The following TSPAN9 variants were observed in gnomAD, a reference collection of about 807,000 sequenced individuals.
TSPAN9 encodes the protein tetraspanin-9.
TSPAN9 carries 16 observed loss-of-function variants against 31.0 expected under a neutral mutation model. The ratio of observed to expected loss-of-function variants is 0.52; its 90% confidence interval spans 0.35 to 0.78. TSPAN9 has a LOEUF of 0.78. TSPAN9 is among the 30% of genes least tolerant of loss of function. The pLI, the probability that TSPAN9 is intolerant of heterozygous loss-of-function variation, is 0.01. For missense variants in TSPAN9, 272 were observed against 312.5 expected, an observed-to-expected ratio of 0.87 and a Z score of 0.98; for synonymous variants, 145 against 121.6, an observed-to-expected ratio of 1.19 and a Z score of -1.27.
chr12:3,247,764 C>T (rs936486666), intron 3 of TSPAN9, among the ~76,000 whole-genome samples: 2 of 152,184 alleles, frequency 1.3e-5, no homozygotes, highest in African/African-American at 2.4e-5. Context: ...GATGCCAGTT[C>T]GCTGCACAGG....
At chr12:3,101,984 G>A (rs1185034111) in intron 2 of TSPAN9, among the ~76,000 whole-genome samples, 1 of 152,068 alleles carries the variant, frequency 6.6e-6, no homozygotes, top group Admixed American at 6.5e-5. Context: ...TCTTTTCCTC[G>A]GACTGGAAGC....
chr12:3,121,533 CTTTTTTTTTT>C lies in TSPAN9; in HGVS notation c.-18+37830_-18+37839del, dbSNP rs59376087. ...TGCCACCATATCTGGCTAATTAAAA[CTTTTTTTTTT>C]TTTTTTTTTTTTTTTGTAGAGACAA... On this transcript the variant is annotated intron_variant, in intron 2 of 8. Coordinates refer to ENST00000011898, the MANE Select transcript of TSPAN9 (RefSeq NM_006675.5). Among the ~76,000 whole-genome samples the C allele has an allele frequency of 1.1e-4, 10 of 92,928 alleles. 1 individual carries two copies. Among genetic ancestry groups the C allele is most frequent in the Admixed American group, 3.0e-4 (2 of 6,602 alleles). The allele number at this position is 92,928 out of a possible 152,430, so 61.0% of individuals were successfully genotyped here.
At chr12:3,282,132 A>C (rs1591724862) in intron 8 of TSPAN9, 2 of 621,398 alleles carry the variant, frequency 3.2e-6, no homozygotes, top group East Asian at 5.5e-5. Flanking sequence ...CATGCAAGAC[A>C]CACACGGTGT....
At chr12:3,196,014 C>T (rs555042599) in intron 2 of TSPAN9, among the ~76,000 whole-genome samples, 1 of 152,316 alleles carries the variant, frequency 6.6e-6, no homozygotes, top group East Asian at 1.9e-4. Context: ...TGGGTCGCTT[C>T]AGCTAGATCT....
intron 3 of TSPAN9, among the ~76,000 whole-genome samples, chr12:3,255,656 G>T (rs1162407162): frequency 6.6e-6 from 1 of 152,208 alleles, no homozygotes; most frequent in African/African-American, 2.4e-5. Context: ...TTTTTAGAAA[G>T]AACTGGGGTG....
chr12:3,112,628 T>C (rs1295290038), intron 2 of TSPAN9, among the ~76,000 whole-genome samples: 1 of 151,584 alleles, frequency 6.6e-6, no homozygotes, highest in African/African-American at 2.4e-5. Flanking sequence ...TTTTGTTTCA[T>C]TGATCTTTTA....
At chr12:3,178,291 CT>C (rs112883143) in intron 2 of TSPAN9, among the ~76,000 whole-genome samples, 1,885 of 143,888 alleles carry the variant, frequency 0.013, 26 homozygotes, top group African/African-American at 0.038. Flanking sequence ...GTTTCTTTTT[CT>C]TTTTTTTTTT....
intron 2 of TSPAN9, among the ~76,000 whole-genome samples, chr12:3,105,870 TCA>T (rs749390224): frequency 3.5e-5 from 5 of 142,762 alleles, no homozygotes; most frequent in East Asian, 4.0e-4. Flanking sequence ...ACACACACGC[TCA>T]CACACACATG....
At chr12:3,169,229 G>A (rs1297357508) in intron 2 of TSPAN9, among the ~76,000 whole-genome samples, 2 of 152,212 alleles carry the variant, frequency 1.3e-5, no homozygotes, top group East Asian at 1.9e-4. Context: ...ACTCTGTTTC[G>A]GGTGGGTGTG....
At chr12:3,276,241 G>A (rs888749639) in intron 3 of TSPAN9, among the ~76,000 whole-genome samples, 20 of 152,176 alleles carry the variant, frequency 1.3e-4, no homozygotes, top group African/African-American at 4.6e-4. Context: ...GCCCTCCCGC[G>A]GTCGCTTCTC....
chr12:3,280,518 G>C lies in TSPAN9; in HGVS notation c.432+35G>C, dbSNP rs745791104. ...GGGCCGCCCTGGTGGGGCCAGGCAG[G>C]GAGGAGGGGTGGCGGCCGGTACTTC... is the stretch of plus-strand genomic sequence containing the variant. On this transcript the variant is annotated intron_variant, in intron 6 of 8. Transcript: ENST00000011898. This position sits in a 1 kb window ranked among gnomAD's most constrained non-coding sequence, Gnocchi z 4.5. The C allele has an allele frequency of 4.4e-6, 7 of 1,590,470 alleles. No individual in the cohort carries two copies. In the Middle Eastern group the frequency reaches 5.0e-4, roughly 113 times the overall value.
intron 3 of TSPAN9, among the ~76,000 whole-genome samples, chr12:3,217,761 A>C (rs2098382115): frequency 6.6e-6 from 1 of 151,330 alleles, no homozygotes; most frequent in Non-Finnish European, 1.5e-5. Context: ...CCCTGCTTCC[A>C]GGCCTTCTCT....
chr12:3,196,164 G>A (rs1470817308), intron 2 of TSPAN9, among the ~76,000 whole-genome samples: 2 of 152,300 alleles, frequency 1.3e-5, no homozygotes, highest in East Asian at 1.9e-4. Context: ...GAGGAGGGAC[G>A]TGTTCCTAGA....
intron 3 of TSPAN9, among the ~76,000 whole-genome samples, chr12:3,204,317 T>C (rs2098373711): frequency 6.6e-6 from 1 of 152,094 alleles, no homozygotes; most frequent in Non-Finnish European, 1.5e-5. Context: ...GGAAGAGAGG[T>C]GCAGCTGTCG....
Position 3,281,335 on chromosome 12 carries a change from G to A in TSPAN9, c.564+6G>A. ...CCACGCCTTTGTGGAGAACGGTGAG[G>A]CTGGGGATGGACCGCTTGGGTCCAA... On this transcript the variant is annotated splice_donor_region_variant and intron_variant, in intron 7 of 8. Coordinates refer to ENST00000011898, the MANE Select transcript of TSPAN9 (RefSeq NM_006675.5). 1.3e-6 allele frequency: 2 copies of A among 1,548,006 alleles called. No individual in the cohort carries two copies. Among genetic ancestry groups the A allele is most frequent in the Non-Finnish European group, 1.7e-6 (2 of 1,145,180 alleles).
rs1316192873 is a variant in TSPAN9 at position 3,280,576 on chromosome 12, C to G, written c.432+93C>G. On this transcript the variant is annotated intron_variant, in intron 6 of 8. Transcript: ENST00000011898. This position sits in a 1 kb window ranked among gnomAD's most constrained non-coding sequence, Gnocchi z 4.5. ...CTTCCCCGGTGACCTGGCCGGGCACCTGTGCTTTCTGGATTTTAGCCGGGA... is the reference window on the plus strand; with the variant it reads ...CTTCCCCGGTGACCTGGCCGGGCACGTGTGCTTTCTGGATTTTAGCCGGGA... 1 of 1,187,030 alleles carries G rather than the reference C, an allele frequency of 8.4e-7. No homozygotes were observed. Among genetic ancestry groups the G allele is most frequent in the African/African-American group, 1.5e-5 (1 of 65,836 alleles). The allele number at this position is 1,187,030 out of a possible 1,614,324, so 73.5% of individuals were successfully genotyped here. A position where few individuals can be genotyped will look rare whatever the true frequency, so the allele number is the denominator to read the frequency against.
intron 2 of TSPAN9, among the ~76,000 whole-genome samples, chr12:3,109,933 C>T (rs1372853328): frequency 6.6e-6 from 1 of 151,992 alleles, no homozygotes; most frequent in Non-Finnish European, 1.5e-5. Context: ...AAAGCTGAAT[C>T]CTAAAGCATC....
intron 2 of TSPAN9, among the ~76,000 whole-genome samples, chr12:3,087,290 CG>C (rs1396657900): frequency 6.6e-6 from 1 of 152,028 alleles, no homozygotes; most frequent in East Asian, 1.9e-4. Flanking sequence ...GAGGCCAAGG[CG>C]GGAGCATTGC....
At chr12:3,140,156 T>TC (rs5796037) in intron 2 of TSPAN9, among the ~76,000 whole-genome samples, 1 of 152,106 alleles carries the variant, frequency 6.6e-6, no homozygotes, top group Admixed American at 6.5e-5. Context: ...GGACCTGGGC[T>TC]ATCTGTAAGG....
Sources: gnomAD v4.1 joint callset for allele counts (sites outside exome capture counted in the v4.1 genomes callset) on GRCh38, gnomAD v4.1.1 for gene constraint, Gnocchi (gnomAD v3.1) non-coding constraint, MANE v1.5 for transcripts, NCBI Gene and HGNC (gene_info 2026-07-23, HGNC 2026-07-21) for gene names.